The following CARNMT1 variants were observed in gnomAD, a reference collection of about 807,000 sequenced individuals.
CARNMT1 encodes protein-L-histidine N-pros-methyltransferase CARNMT1.
Under a neutral mutation model 49.6 loss-of-function variants are expected in CARNMT1, and 28 were observed. That is an observed-to-expected ratio of 0.56 (90% confidence interval 0.42 to 0.77). The LOEUF is 0.77. Ranked by LOEUF, CARNMT1 falls within the 30% of genes least tolerant of loss-of-function variation. The pLI, the probability that CARNMT1 is intolerant of heterozygous loss-of-function variation, is 0.00. For missense variants in CARNMT1, 421 were observed against 512.6 expected (o/e 0.82, Z 1.73); for synonymous variants, 178 against 175.0 (o/e 1.02, Z -0.13).
chr9:75,020,148 G>GT (rs1268696553), intron 1 of CARNMT1, among the ~76,000 whole-genome samples: 3 of 151,748 alleles, frequency 2.0e-5, no homozygotes, highest in African/African-American at 7.3e-5. Flanking sequence ...AGTGTTCACT[G>GT]TAATATTCCT....
chr9:75,010,089 CTT>C (rs1388569543), intron 3 of CARNMT1: 4 of 126,102 alleles, frequency 3.2e-5, no homozygotes, highest in Non-Finnish European at 6.9e-5. Context: ...AAAAAAAACT[CTT>C]TCTCTCTTAT....
intron 3 of CARNMT1, among the ~76,000 whole-genome samples, chr9:75,006,065 C>CT (rs1470507004): frequency 2.6e-4 from 39 of 147,752 alleles, no homozygotes; most frequent in Admixed American, 7.4e-4. Flanking sequence ...TCTTCCTTTT[C>CT]TTTTTTTTTT....
At chr9:75,006,597 C>A (rs1833518009) in intron 3 of CARNMT1, among the ~76,000 whole-genome samples, 1 of 152,064 alleles carries the variant, frequency 6.6e-6, no homozygotes, top group African/African-American at 2.4e-5. Context: ...TTCATATATA[C>A]CTATCCACTT....
rs1187462033 is a variant in CARNMT1, at chr9:74,983,645, G to C, written c.*122C>G. 1.9e-6 allele frequency: 1 copy of C among 535,924 alleles called. No individual in the cohort carries two copies. Among genetic ancestry groups the C allele is most frequent in the Admixed American group, 3.4e-5 (1 of 29,072 alleles). The allele number at this position is 535,924 out of a possible 1,614,324, so 33.2% of individuals were successfully genotyped here. ...TAGACACTATTTCTAAATTTCGTTA[G>C]GAATAAGAAGGCACCACTGATTTGA... is the stretch of plus-strand genomic sequence containing the variant. On this transcript the variant is annotated 3_prime_UTR_variant, in exon 8 of 8. Transcript: ENST00000376834.
chr9:74,997,073 T>G (rs1214955688), intron 5 of CARNMT1, among the ~76,000 whole-genome samples: 1 of 152,142 alleles, frequency 6.6e-6, no homozygotes. Context: ...GCAGAAGCAG[T>G]GGGTGGGAAC....
At chr9:74,991,462 C>T (rs565169640) in intron 6 of CARNMT1, among the ~76,000 whole-genome samples, 14 of 152,170 alleles carry the variant, frequency 9.2e-5, no homozygotes, top group African/African-American at 2.6e-4. Flanking sequence ...GTTTTATAGG[C>T]AGGGTAGGGG....
intron 3 of CARNMT1, 139 bp from the exon 4 acceptor site, chr9:75,000,009 C>T: frequency 3.0e-6 from 2 of 658,706 alleles, no homozygotes; most frequent in Non-Finnish European, 4.9e-6. Context: ...TCAAGAAATA[C>T]TTCTAAATAT....
At chr9:75,024,873 C>G (rs981825877) in intron 1 of CARNMT1, among the ~76,000 whole-genome samples, 4 of 152,156 alleles carry the variant, frequency 2.6e-5, no homozygotes, top group Admixed American at 1.3e-4. Context: ...CTACTAATAG[C>G]CTACTACTGA....
intron 1 of CARNMT1, among the ~76,000 whole-genome samples, chr9:75,018,372 A>T (rs953211720): frequency 6.6e-6 from 1 of 152,108 alleles, no homozygotes; most frequent in African/African-American, 2.4e-5. Flanking sequence ...CCATAAGAAC[A>T]TCATTTTTTA....
At chr9:75,003,358 C>T (rs1206773158) in intron 3 of CARNMT1, among the ~76,000 whole-genome samples, 1 of 152,234 alleles carries the variant, frequency 6.6e-6, no homozygotes, top group Non-Finnish European at 1.5e-5. Context: ...ATTCACTTAA[C>T]ACAGGTACAG....
intron 7 of CARNMT1, 24 bp downstream of exon 7, chr9:74,984,883 G>T (rs2118745318): frequency 1.3e-6 from 2 of 1,486,098 alleles, no homozygotes; most frequent in Non-Finnish European, 1.9e-6. Context: ...GTTAAACTTT[G>T]GCAATATTTT....
intron 1 of CARNMT1, among the ~76,000 whole-genome samples, chr9:75,027,759 G>A (rs1822572771): frequency 6.6e-6 from 1 of 152,366 alleles, no homozygotes; most frequent in East Asian, 1.9e-4. Flanking sequence ...GGAGGCAGGA[G>A]AGCTAATCTG....
chr9:74,981,734 G>A lies in CARNMT1; in HGVS notation c.*2033C>T, dbSNP rs1483863008. The A allele has an allele frequency of 6.6e-6, 1 of 151,962 alleles. No homozygotes were observed. The highest frequency in any genetic ancestry group is 1.5e-5 in the Non-Finnish European group (1 of 67,946). The allele number at this position is 151,962 out of a possible 1,614,324, so 9.4% of individuals were successfully genotyped here. ...CACCAGTGTCAACCTGTTTTTGCCT[G>A]TGACAAAAACAAAGATCATTTGTTT... On this transcript the variant is annotated 3_prime_UTR_variant, in exon 8 of 8. Transcript: ENST00000376834.
chr9:75,005,111 A>G (rs1184854155), intron 3 of CARNMT1, among the ~76,000 whole-genome samples: 1 of 152,202 alleles, frequency 6.6e-6, no homozygotes, highest in Non-Finnish European at 1.5e-5. Context: ...AATTAAGAAG[A>G]GTTATTACAT....
chr9:74,991,164 G>A (rs1832999571), intron 6 of CARNMT1: 1 of 150,268 alleles, frequency 6.7e-6, no homozygotes, highest in Non-Finnish European at 1.5e-5. Context: ...TTTTTTTCCA[G>A]AGGGAGTCTC....
chr9:75,021,695 C>A (rs1216554705), intron 1 of CARNMT1, among the ~76,000 whole-genome samples: 1 of 151,800 alleles, frequency 6.6e-6, no homozygotes, highest in Admixed American at 6.6e-5. Flanking sequence ...TTTTGGGAGG[C>A]CAAGGTGGGA....
Position 75,017,429 on chromosome 9 carries a change from C to G in CARNMT1, c.250G>C (p.Val84Leu). 6.2e-7 allele frequency: 1 copy of G among 1,613,976 alleles called. No homozygotes were observed. Among genetic ancestry groups the G allele is most frequent in the Non-Finnish European group, 8.5e-7 (1 of 1,179,954 alleles). The change falls in exon 2 of 8, where the codon GTG (valine) becomes CTG (leucine). Residue 84 changes from valine to leucine, a missense_variant. By Grantham distance (32) the Val-to-Leu change is conservative. This residue lies in a region of CARNMT1 where 186 missense variants were observed against 167.9 expected (regional missense o/e 1.11). Coordinates refer to ENST00000376834, the MANE Select transcript of CARNMT1 (RefSeq NM_152420.3). ...CGAAACTGTCTTTCTGTTCGGTTCA[C>G]CCGCTCATGCATACTGGTGCTAAAA... is the stretch of plus-strand genomic sequence containing the variant. The part of the protein sequence containing the change: ...RYYGTSMHER[V>L]NRTERQFRSL...
chr9:75,025,794 A>ATTGTACTTCGATTGT (rs1822508718), intron 1 of CARNMT1, among the ~76,000 whole-genome samples: 2 of 152,024 alleles, frequency 1.3e-5, no homozygotes. Context: ...GTCCATCACA[A>ATTGTACTTCGATTGT]CCTACTTCGA....
chr9:74,996,174 G>C lies in CARNMT1; in HGVS notation c.1024+273C>G, dbSNP rs989432694. The C allele has an allele frequency of 1.6e-5, 4 of 243,030 alleles. No homozygotes were observed. The Admixed American group carries it at 2.1e-4, about 12-fold the overall frequency. 15.1% of individuals were successfully genotyped at this position (243,030 alleles called of 1,614,324 possible). On this transcript the variant is annotated intron_variant, in intron 6 of 7. Transcript: ENST00000376834. ...AGCATGTGGGATGGTGATAATGAGG[G>C]AATGATTACCTACCATCAGATCAAC...
Sources: gnomAD v4.1 joint callset for allele counts (sites outside exome capture counted in the v4.1 genomes callset) on GRCh38, gnomAD v4.1.1 for gene constraint, gnomAD v4.1.1 regional missense constraint, MANE v1.5 for transcripts, NCBI Gene and HGNC (gene_info 2026-07-23, HGNC 2026-07-21) for gene names.